Variants in THADA observed in about 807,000 individuals in gnomAD.
The protein encoded by THADA is THADA armadillo repeat containing, also known as tRNA (32-2'-O)-methyltransferase regulator THADA.
THADA carries 213 observed loss-of-function variants against 219.8 expected under a neutral mutation model. The observed-to-expected ratio is 0.97, with a 90% CI of 0.87 to 1.09. The LOEUF (loss-of-function observed/expected upper bound fraction) is 1.09. Among genes scored for constraint, THADA ranks in the 50% least tolerant of loss-of-function variants. The probability of loss-of-function intolerance (pLI) is 0.00; values close to 1 mark genes in which losing one functional copy is unlikely to be tolerated. For missense variants in THADA, 2,956 were observed against 2,311.3 expected, an observed-to-expected ratio of 1.28 and a Z score of -5.72; for synonymous variants, 1,018 against 828.9, an observed-to-expected ratio of 1.23 and a Z score of -3.92.
intron 36 of THADA, among the ~76,000 whole-genome samples, chr2:43,279,052 G>T (rs1397658493): frequency 6.6e-6 from 1 of 152,154 alleles, no homozygotes; most frequent in African/African-American, 2.4e-5. Flanking sequence ...CCAGAGGTGT[G>T]ACCTTATTTC....
intron 28 of THADA, among the ~76,000 whole-genome samples, chr2:43,421,231 C>A (rs1397969982): frequency 1.3e-5 from 2 of 152,186 alleles, no homozygotes; most frequent in Admixed American, 1.3e-4. Context: ...CAGACAGTCA[C>A]ATAGTGAAAC....
chr2:43,501,339 A>G (rs1347725491), intron 24 of THADA, among the ~76,000 whole-genome samples: 1 of 129,132 alleles, frequency 7.7e-6, no homozygotes, highest in Non-Finnish European at 1.6e-5. Context: ...AAAAAAAAAA[A>G]GAGAGACTTT....
chr2:43,364,142 C>T (rs1167110650), intron 29 of THADA, among the ~76,000 whole-genome samples: 3 of 151,952 alleles, frequency 2.0e-5, no homozygotes, highest in African/African-American at 2.4e-5. Context: ...GAGGATGGCT[C>T]GAGCTGGGGA....
chr2:43,487,954 G>A (rs1687114751), intron 25 of THADA, among the ~76,000 whole-genome samples: 1 of 152,154 alleles, frequency 6.6e-6, no homozygotes, highest in African/African-American at 2.4e-5. Context: ...TCCATTAGGT[G>A]CAGCAAAATC....
chr2:43,363,360 G>T (rs979495903), intron 29 of THADA, among the ~76,000 whole-genome samples: 3 of 152,134 alleles, frequency 2.0e-5, no homozygotes, highest in Non-Finnish European at 2.9e-5. Flanking sequence ...ATAATCTTAT[G>T]GGACCACTGT....
intron 26 of THADA, among the ~76,000 whole-genome samples, chr2:43,452,885 T>G (rs979943266): frequency 6.6e-6 from 1 of 152,186 alleles, no homozygotes; most frequent in Admixed American, 6.5e-5. Flanking sequence ...AAGAGACTCT[T>G]CCTAATATAC....
chr2:43,269,843 G>A (rs1671932990), intron 36 of THADA, among the ~76,000 whole-genome samples: 1 of 152,170 alleles, frequency 6.6e-6, no homozygotes, highest in South Asian at 2.1e-4. Context: ...CACACAGCCA[G>A]CTACGGAGAG....
At chr2:43,367,703 A>G (rs551038877) in intron 29 of THADA, among the ~76,000 whole-genome samples, 9 of 152,238 alleles carry the variant, frequency 5.9e-5, no homozygotes, top group Non-Finnish European at 1.3e-4. Context: ...CGCTGCAACA[A>G]TGGGATGGTA....
chr2:43,231,793 G>GTGATT (rs1450162833), intron 37 of THADA, among the ~76,000 whole-genome samples: 3 of 152,162 alleles, frequency 2.0e-5, no homozygotes, highest in Non-Finnish European at 4.4e-5. Flanking sequence ...CTATAACACT[G>GTGATT]TGATTCTCAA....
At chr2:43,456,658 G>C (rs997290405) in intron 26 of THADA, among the ~76,000 whole-genome samples, 2 of 151,926 alleles carry the variant, frequency 1.3e-5, no homozygotes, top group Non-Finnish European at 2.9e-5. Flanking sequence ...TGAGAAATGA[G>C]ATAATGCATC....
In THADA at chr2:43,515,757, T is replaced by C. The variant is rs148586109; in HGVS notation, c.3375-6977A>G. On this transcript the variant is annotated intron_variant, in intron 22 of 37. Transcript: ENST00000405975. ...CCCCGTTAAAGTACATTCAAAAGCATAGGTAAGAAAAAGACAATCTGAAAT... is the reference window on the plus strand; with the variant it reads ...CCCCGTTAAAGTACATTCAAAAGCACAGGTAAGAAAAAGACAATCTGAAAT... Among the ~76,000 whole-genome samples the C allele has an allele frequency of 5.0e-3, 760 of 152,098 alleles. 4 individuals are homozygous for C. Among genetic ancestry groups the C allele is most frequent in the African/African-American group, 0.018 (729 of 41,528 alleles).
intron 29 of THADA, among the ~76,000 whole-genome samples, chr2:43,365,599 G>A (rs146045108): frequency 5.1e-4 from 54 of 106,312 alleles, no homozygotes; most frequent in Non-Finnish European, 8.6e-4. Context: ...ACACACACAC[G>A]CACAAAATGC....
At chr2:43,379,885 G>A (rs924018051) in intron 29 of THADA, among the ~76,000 whole-genome samples, 19 of 152,282 alleles carry the variant, frequency 1.2e-4, no homozygotes, top group African/African-American at 4.3e-4. Flanking sequence ...GCTTCAATAT[G>A]GATGAATATT....
At chr2:43,371,604 T>C (rs902230217) in intron 29 of THADA, among the ~76,000 whole-genome samples, 1 of 152,216 alleles carries the variant, frequency 6.6e-6, no homozygotes, top group African/African-American at 2.4e-5. Context: ...CATTCTTTTC[T>C]TTTTCACAAA....
intron 28 of THADA, among the ~76,000 whole-genome samples, chr2:43,400,357 T>C (rs1674648408): frequency 6.6e-6 from 1 of 151,572 alleles, no homozygotes; most frequent in Non-Finnish European, 1.5e-5. Context: ...AAGAAGCCAA[T>C]TCTTGAAGTA....
intron 28 of THADA, among the ~76,000 whole-genome samples, chr2:43,423,246 T>C (rs570551273): frequency 1.3e-5 from 2 of 152,312 alleles, no homozygotes; most frequent in East Asian, 3.9e-4. Flanking sequence ...GCCTTCATTT[T>C]TTTTATGGCT....
chr2:43,411,490 C>T (rs963344030), intron 28 of THADA, among the ~76,000 whole-genome samples: 3 of 152,080 alleles, frequency 2.0e-5, no homozygotes, highest in Non-Finnish European at 4.4e-5. Context: ...GATTCCCCTC[C>T]CCCCAACTTG....
At chr2:43,372,653 G>A (rs1670939044) in intron 29 of THADA, among the ~76,000 whole-genome samples, 1 of 152,168 alleles carries the variant, frequency 6.6e-6, no homozygotes, top group South Asian at 2.1e-4. Context: ...TATGCAGCAT[G>A]CCTGTTTCAT....
At chr2:43,373,397 C>A (rs1671022591) in intron 29 of THADA, among the ~76,000 whole-genome samples, 1 of 152,098 alleles carries the variant, frequency 6.6e-6, no homozygotes, top group Non-Finnish European at 1.5e-5. Flanking sequence ...TTTCTATTTT[C>A]TGTCTAAAAT....
Sources: gnomAD v4.1 joint callset for allele counts (sites outside exome capture counted in the v4.1 genomes callset) on GRCh38, gnomAD v4.1.1 for gene constraint, MANE v1.5 for transcripts, NCBI Gene and HGNC (gene_info 2026-07-23, HGNC 2026-07-21) for gene names.